The following TRPC5 variants were observed in gnomAD, a reference collection of about 807,000 sequenced individuals.
TRPC5 encodes the protein short transient receptor potential channel 5.
In TRPC5, 9 loss-of-function variants were observed where a neutral mutation model predicts 56.5. The observed-to-expected ratio is 0.16, with a 90% CI of 0.10 to 0.28. The LOEUF is 0.28. TRPC5 is among the 10% of genes least tolerant of loss of function. The pLI is 1.00. For missense variants in TRPC5, 469 were observed against 748.9 expected, an observed-to-expected ratio of 0.63 and a Z score of 4.36; for synonymous variants, 282 against 278.5, an observed-to-expected ratio of 1.01 and a Z score of -0.13.
intron 7 of TRPC5, among the ~76,000 whole-genome samples, chrX:111,798,471 G>A (rs1198719362): frequency 9.0e-6 from 1 of 111,581 alleles, no homozygotes; most frequent in Non-Finnish European, 1.9e-5. Context: ...TGCAAACATT[G>A]GATAACACCG....
intron 2 of TRPC5, among the ~76,000 whole-genome samples, chrX:111,938,558 G>C (rs374595507): frequency 4.5e-4 from 50 of 111,153 alleles, no homozygotes; most frequent in African/African-American, 1.4e-3. Context: ...TAGCATGAAG[G>C]GTTGTTGAAT....
chrX:111,844,136 G>A (rs962629269), intron 6 of TRPC5, among the ~76,000 whole-genome samples: 9 of 110,062 alleles, frequency 8.2e-5, no homozygotes, highest in African/African-American at 2.6e-4. Flanking sequence ...GTGAAGATAC[G>A]GAGAAAAGGA....
intron 2 of TRPC5, among the ~76,000 whole-genome samples, chrX:111,927,987 C>T (rs188185625): frequency 1.2e-3 from 131 of 110,433 alleles, no homozygotes; most frequent in Middle Eastern, 4.6e-3. Context: ...GAGCCCCTCA[C>T]TCTGTAGCAA....
chrX:111,809,052 C>T (rs1023710011), intron 7 of TRPC5, among the ~76,000 whole-genome samples: 3 of 109,322 alleles, frequency 2.7e-5, no homozygotes, highest in South Asian at 4.0e-4. Flanking sequence ...TTGTTTCTTC[C>T]CTCTCTGCTC....
chrX:111,929,018 G>A (rs1926334024), intron 2 of TRPC5, among the ~76,000 whole-genome samples: 1 of 111,698 alleles, frequency 9.0e-6, no homozygotes, highest in Non-Finnish European at 1.9e-5. Flanking sequence ...AAAGGACTGG[G>A]GTTCTAAATT....
chrX:112,017,228 T>A (rs1034965573), intron 1 of TRPC5, among the ~76,000 whole-genome samples: 1 of 111,008 alleles, frequency 9.0e-6, no homozygotes, highest in Non-Finnish European at 1.9e-5. Flanking sequence ...TTGGCCAGGA[T>A]GGTCTTGATC....
At chrX:111,976,620 T>C (rs977964570) in intron 1 of TRPC5, among the ~76,000 whole-genome samples, 1 of 110,937 alleles carries the variant, frequency 9.0e-6, no homozygotes, top group African/African-American at 3.3e-5. Context: ...AACGTAGTAC[T>C]GAAAGTTCTA....
At chrX:111,986,939 G>A (rs1928227677) in intron 1 of TRPC5, among the ~76,000 whole-genome samples, 1 of 111,581 alleles carries the variant, frequency 9.0e-6, no homozygotes, top group Non-Finnish European at 1.9e-5. Context: ...TGTGGCACTT[G>A]ACCTGGGAAT....
chrX:111,769,145 C>T lies in TRPC5; in HGVS notation c.*7168G>A, dbSNP rs913731367. ...GGTTCTTATGAGTCCAAAATCCTCC[C>T]CTCTGTTCTCTATGGAGGTTAGTGG... On this transcript the variant is annotated 3_prime_UTR_variant, in exon 11 of 11. Coordinates refer to ENST00000262839, the MANE Select transcript of TRPC5 (RefSeq NM_012471.3). Among the ~76,000 whole-genome samples the T allele has an allele frequency of 2.7e-5, 3 of 111,511 alleles. No homozygotes were observed. Among genetic ancestry groups the T allele is most frequent in the Non-Finnish European group, 3.8e-5 (2 of 53,022 alleles).
chrX:111,928,210 G>A (rs1407206541), intron 2 of TRPC5, among the ~76,000 whole-genome samples: 1 of 111,273 alleles, frequency 9.0e-6, no homozygotes, highest in Non-Finnish European at 1.9e-5. Flanking sequence ...GTACACAATG[G>A]CCAGGATTAA....
At chrX:112,035,472 T>C (rs185470721) in intron 1 of TRPC5, among the ~76,000 whole-genome samples, 23 of 110,043 alleles carry the variant, frequency 2.1e-4, no homozygotes, top group African/African-American at 6.0e-4. Context: ...TATATATATA[T>C]ATGTTTTGCA....
At chrX:111,877,054 A>G (rs369268528) in intron 3 of TRPC5, among the ~76,000 whole-genome samples, 31 of 111,672 alleles carry the variant, frequency 2.8e-4, no homozygotes, top group East Asian at 2.5e-3. Context: ...TTTCAGAATG[A>G]TCAATCTTTG....
intron 1 of TRPC5, among the ~76,000 whole-genome samples, chrX:112,071,078 A>G (rs1930707263): frequency 9.0e-6 from 1 of 111,068 alleles, no homozygotes; most frequent in African/African-American, 3.3e-5. Context: ...CAGGAGTTCA[A>G]GACCAGTCTG....
chrX:111,914,752 A>G (rs2148621600), intron 2 of TRPC5, among the ~76,000 whole-genome samples: 1 of 112,076 alleles, frequency 8.9e-6, no homozygotes, highest in South Asian at 3.8e-4. Flanking sequence ...TCAGAAATTA[A>G]CATAAGCTTA....
intron 7 of TRPC5, among the ~76,000 whole-genome samples, chrX:111,787,910 G>T (rs754727881): frequency 8.1e-5 from 9 of 111,371 alleles, no homozygotes; most frequent in Non-Finnish European, 1.7e-4. Flanking sequence ...CTGAATTTGA[G>T]GCCATAATTA....
chrX:111,875,014 CT>C lies in TRPC5; in HGVS notation c.901-20909del, dbSNP rs1440143386. Among the ~76,000 whole-genome samples the C allele has an allele frequency of 2.7e-5, 3 of 112,032 alleles. No homozygotes were observed. In the Admixed American group the frequency reaches 2.8e-4, roughly 11 times the overall value. On this transcript the variant is annotated intron_variant, in intron 3 of 10. Coordinates refer to ENST00000262839, the MANE Select transcript of TRPC5 (RefSeq NM_012471.3). The stretch of plus-strand genomic sequence containing the variant: ...AGACAGACATGAGGTCCGACTCTGG[CT>C]TTGCCATTTATTAATAGTATGCCTT...
chrX:111,923,844 C>T (rs1003841908), intron 2 of TRPC5, among the ~76,000 whole-genome samples: 3 of 111,902 alleles, frequency 2.7e-5, no homozygotes, highest in Non-Finnish European at 3.8e-5. Context: ...ATCAACGCGT[C>T]CCTAGCATTG....
Position 112,051,851 on chromosome X carries a change from T to A in TRPC5, c.-22+30028A>T, listed in dbSNP as rs199573434. Among the ~76,000 whole-genome samples, 19 of 112,175 alleles carry A rather than the reference T, an allele frequency of 1.7e-4. No individual in the cohort carries two copies. The East Asian group carries it at 5.1e-3, about 30-fold the overall frequency. On this transcript the variant is annotated intron_variant, in intron 1 of 10. Coordinates refer to ENST00000262839, the MANE Select transcript of TRPC5 (RefSeq NM_012471.3). ...CTATGAATTTGGCAACACTGGGTACTTTTTATAAATTGATTCACACAGAAG... is the reference window on the plus strand; with the variant it reads ...CTATGAATTTGGCAACACTGGGTACATTTTATAAATTGATTCACACAGAAG...
At chrX:111,921,127 A>G (rs1441228322) in intron 2 of TRPC5, among the ~76,000 whole-genome samples, 5 of 111,382 alleles carry the variant, frequency 4.5e-5, no homozygotes, top group Non-Finnish European at 7.5e-5. Flanking sequence ...ATCATGGGAG[A>G]GCAAACTTCT....
Sources: gnomAD v4.1 joint callset for allele counts (sites outside exome capture counted in the v4.1 genomes callset) on GRCh38, gnomAD v4.1.1 for gene constraint, MANE v1.5 for transcripts, NCBI Gene and HGNC (gene_info 2026-07-23, HGNC 2026-07-21) for gene names.